The following TEX9 variants were observed in gnomAD, a reference collection of about 807,000 sequenced individuals.
TEX9 encodes the protein testis expressed 9.
In TEX9, 74 loss-of-function variants were observed where a neutral mutation model predicts 59.6. That is an observed-to-expected ratio of 1.24 (90% confidence interval 1.03 to 1.51). The LOEUF (loss-of-function observed/expected upper bound fraction) is 1.51, where lower values mean the gene tolerates loss of function less well. TEX9 is among the 40% of genes most tolerant of loss of function. The pLI is 0.00. For synonymous variants in TEX9, 186 were observed against 152.2 expected, an observed-to-expected ratio of 1.22 and a Z score of -1.64; for missense variants, 522 against 447.8, an observed-to-expected ratio of 1.17 and a Z score of -1.49.
rs113664898 is a variant in TEX9, at chr15:56,306,128, G to A, written c.-107+61850G>A. ...AATGCTGGTGAGAATGCAGAGAAAA[G>A]GTAACCCTTGTACACTGTTGGTGGA... is the stretch of plus-strand genomic sequence containing the variant. On this transcript the variant is annotated intron_variant, in intron 1 of 5. Coordinates refer to the TEX9 transcript ENST00000560827. 4.1e-3 allele frequency among the ~76,000 whole-genome samples: 621 copies of A among 152,056 alleles called. 4 individuals are homozygous for A. Among genetic ancestry groups the A allele is most frequent in the African/African-American group, 0.014 (573 of 41,484 alleles).
At chr15:56,413,313 T>G (rs1303600099) in intron 10 of TEX9, among the ~76,000 whole-genome samples, 7 of 133,366 alleles carry the variant, frequency 5.2e-5, no homozygotes, top group Non-Finnish European at 1.2e-4. Context: ...ATTTAATAAT[T>G]TATTATTTAA....
intron 1 of TEX9, among the ~76,000 whole-genome samples, chr15:56,321,041 C>T (rs1209405596): frequency 6.6e-6 from 1 of 152,202 alleles, no homozygotes; most frequent in African/African-American, 2.4e-5. Context: ...TTTTATGCTA[C>T]AGCTGCAGGT....
chr15:56,363,932 C>T (rs896956935), upstream of TEX9, among the ~76,000 whole-genome samples: 1 of 150,310 alleles, frequency 6.7e-6, no homozygotes, highest in Admixed American at 6.7e-5. Context: ...ATCCTCCTGA[C>T]TTAGCCTCCA....
At position 56,246,401 on chromosome 15, in the gene TEX9, C is replaced by G. The variant is rs187377038; in HGVS notation, c.-107+2123C>G. ...GGAAAGGGGCAGCCCTCACTACTCACTTAACATCTGGGAGTACAGTGGGTG... is the reference window on the plus strand; with the variant it reads ...GGAAAGGGGCAGCCCTCACTACTCAGTTAACATCTGGGAGTACAGTGGGTG... On this transcript the variant is annotated intron_variant, in intron 1 of 5. Transcript: ENST00000560827. Among the ~76,000 whole-genome samples, 1,096 of 152,288 alleles carry G rather than the reference C, an allele frequency of 7.2e-3. 5 individuals are homozygous for G. The highest frequency in any genetic ancestry group is 9.9e-3 in the Non-Finnish European group (671 of 68,026).
chr15:56,256,370 T>C (rs1486974378), intron 1 of TEX9, among the ~76,000 whole-genome samples: 1 of 151,904 alleles, frequency 6.6e-6, no homozygotes, highest in East Asian at 1.9e-4. Flanking sequence ...ACAATAAGAA[T>C]GACAGTGAAA....
rs1264804727 is a variant in TEX9 at position 56,323,755 on chromosome 15, AG to A, written c.-106-49685del. ...GAGGAGGAGAAGGAGGAGAAGGAGG[AG>A]AAGGAGGAGAAGGAGAGGGAGGGGG... On this transcript the variant is annotated intron_variant, in intron 1 of 5. Transcript: ENST00000560827. The A allele has an allele frequency of 2.7e-3, 421 of 153,172 alleles. 3 individuals are homozygous for A. Among genetic ancestry groups the A allele is most frequent in the African/African-American group, 0.011 (399 of 35,790 alleles). 9.5% of individuals were successfully genotyped at this position (153,172 alleles called of 1,614,324 possible). A position where few individuals can be genotyped will look rare whatever the true frequency, so the allele number is the denominator to read the frequency against.
At chr15:56,392,526 C>A (rs1373867809) in intron 7 of TEX9, among the ~76,000 whole-genome samples, 1 of 152,158 alleles carries the variant, frequency 6.6e-6, no homozygotes, top group African/African-American at 2.4e-5. Context: ...GCCCCACCTC[C>A]AACACTGGGG....
chr15:56,366,851 A>G (rs529886213), intron 2 of TEX9, among the ~76,000 whole-genome samples: 2 of 152,242 alleles, frequency 1.3e-5, no homozygotes, highest in African/African-American at 2.4e-5. Context: ...ACACAGACCA[A>G]TTTACCACAG....
intron 3 of TEX9, 94 bp from the exon 4 acceptor site, chr15:56,383,858 C>A: frequency 2.3e-6 from 2 of 877,978 alleles, no homozygotes; most frequent in East Asian, 2.6e-5. Context: ...TTGGACAATT[C>A]TGAAATGATG....
At chr15:56,303,350 T>G (rs896459693) in intron 1 of TEX9, among the ~76,000 whole-genome samples, 1 of 152,076 alleles carries the variant, frequency 6.6e-6, no homozygotes, top group Non-Finnish European at 1.5e-5. Context: ...TGAAATAATA[T>G]CAAGTATCTG....
chr15:56,449,481 T>C (rs911372726), downstream of TEX9, among the ~76,000 whole-genome samples: 5 of 152,318 alleles, frequency 3.3e-5, no homozygotes, highest in Middle Eastern at 0.01. Context: ...ATCTTTCTTA[T>C]ACAGCACTGG....
chr15:56,287,095 T>C (rs1050552327), intron 1 of TEX9, among the ~76,000 whole-genome samples: 15 of 152,164 alleles, frequency 9.9e-5, no homozygotes, highest in Non-Finnish European at 2.9e-5. Context: ...GGCCCAAGTT[T>C]TCAATAAATG....
At chr15:56,269,509 T>G (rs1339257325) in intron 1 of TEX9, among the ~76,000 whole-genome samples, 4 of 152,218 alleles carry the variant, frequency 2.6e-5, no homozygotes, top group African/African-American at 9.6e-5. Context: ...CCAGAGATTC[T>G]GGTACGTTAT....
At chr15:56,429,386 A>C in intron 12 of TEX9, 1 of 459,180 alleles carries the variant, frequency 2.2e-6, no homozygotes, top group Non-Finnish European at 3.8e-6. Flanking sequence ...ATATTCCTAG[A>C]CTGACCCAAT....
intron 1 of TEX9, among the ~76,000 whole-genome samples, chr15:56,352,268 AGAGTCTC>A (rs1331194424): frequency 1.3e-5 from 2 of 152,150 alleles, no homozygotes; most frequent in African/African-American, 4.8e-5. Flanking sequence ...TTTTTGAGAC[AGAGTCTC>A]GCCCTGTCGT....
At chr15:56,412,266 A>G (rs776562653) in intron 9 of TEX9, 36 bp from the exon 10 acceptor site, 1 of 1,560,032 alleles carries the variant, frequency 6.4e-7, no homozygotes, top group Non-Finnish European at 8.7e-7. Flanking sequence ...ACTATGATAT[A>G]TTTATAAATG....
intron 1 of TEX9, among the ~76,000 whole-genome samples, chr15:56,245,592 A>G (rs2043832695): frequency 6.6e-6 from 1 of 152,238 alleles, no homozygotes; most frequent in Admixed American, 6.5e-5. Context: ...GAAGCTTTGA[A>G]GGATAAAAAT....
At chr15:56,443,688 T>A in intron 12 of TEX9, 1 of 1,613,538 alleles carries the variant, frequency 6.2e-7, no homozygotes, top group Non-Finnish European at 8.5e-7. Flanking sequence ...ACTTTTGCCA[T>A]CCGATCTTCT....
intron 4 of TEX9, among the ~76,000 whole-genome samples, chr15:56,387,383 A>G (rs2142217279): frequency 6.6e-6 from 1 of 151,980 alleles, no homozygotes; most frequent in African/African-American, 2.4e-5. Context: ...ATTTGGAAAC[A>G]TTTTCATGTC....
Sources: gnomAD v4.1 joint callset for allele counts (sites outside exome capture counted in the v4.1 genomes callset) on GRCh38, gnomAD v4.1.1 for gene constraint, MANE v1.5 for transcripts, NCBI Gene and HGNC (gene_info 2026-07-23, HGNC 2026-07-21) for gene names.